The following PC variants were observed in gnomAD, a reference collection of about 807,000 sequenced individuals.
PC encodes the protein pyruvate carboxylase.
PC carries 46 observed loss-of-function variants against 107.8 expected under a neutral mutation model. The observed-to-expected ratio is 0.43, with a 90% confidence interval of 0.34 to 0.55. The LOEUF is 0.55. Ranked by LOEUF, PC falls within the 20% of genes least tolerant of loss-of-function variation. PC has a pLI of 0.04. For synonymous variants in PC, 662 were observed against 684.7 expected (o/e 0.97, Z 0.52); for missense variants, 1,241 against 1,643.1 (o/e 0.76, Z 4.23).
chr11:66,949,479 T>C lies in PC; in HGVS notation c.-1+2951A>G, dbSNP rs367596326. 9.9e-5 allele frequency among the ~76,000 whole-genome samples: 15 copies of C among 151,722 alleles called. 1 individual carries two copies. The East Asian group carries it at 3.0e-3, about 30-fold the overall frequency. ...GGGAGGCCGAGGCGGGCAGATCACT[T>C]GAGTCAGGAGTTCGAGACCAGCCTG... On this transcript the variant is annotated intron_variant, in intron 3 of 22. Coordinates refer to ENST00000393960, the MANE Select transcript of PC (RefSeq NM_001040716.2).
chr11:66,849,087 G>C lies in PC; in HGVS notation c.3349C>G (p.Pro1117Ala). ...DVKGQIGAPMPGKVIDIKVVA... is the reference protein window; with the variant it reads ...DVKGQIGAPMAGKVIDIKVVA... The stretch of plus-strand genomic sequence containing the variant: ...ACTTTGATGTCTATCACCTTCCCAG[G>C]CATGGGCGCCCCGATCTGGCCCTTC... The change falls in exon 23 of 23, where the codon CCT becomes GCT. Residue 1117 changes from proline to alanine, a missense_variant. This residue lies in a region of PC where 98 missense variants were observed against 91.2 expected (regional missense o/e 1.07). Transcript: ENST00000393960. 1 of 1,614,100 alleles carries C rather than the reference G, an allele frequency of 6.2e-7. No homozygotes were observed. Among genetic ancestry groups the C allele is most frequent in the Non-Finnish European group, 8.5e-7 (1 of 1,180,030 alleles).
chr11:66,852,676 G>C lies in PC; in HGVS notation c.1604-16C>G. On this transcript the variant is annotated splice_polypyrimidine_tract_variant and intron_variant, in intron 14 of 22. Transcript: ENST00000393960. This position sits in a 1 kb window ranked among gnomAD's most constrained non-coding sequence, Gnocchi z 4.7. ...GGGGGCGGGCCTAGGGTAGACAGGG[G>C]CATTGGTGCCCATCCTGCAGGTGGC... The C allele has an allele frequency of 6.2e-7, 1 of 1,612,638 alleles. No individual in the cohort carries two copies. Among genetic ancestry groups the C allele is most frequent in the Non-Finnish European group, 8.5e-7 (1 of 1,178,820 alleles).
chr11:66,877,778 A>G (rs1227646372), intron 3 of PC, among the ~76,000 whole-genome samples: 1 of 152,252 alleles, frequency 6.6e-6, no homozygotes, highest in Non-Finnish European at 1.5e-5. Flanking sequence ...TGACATGGGA[A>G]ATGCTTGTGA....
intron 11 of PC, among the ~76,000 whole-genome samples, chr11:66,864,232 C>G (rs925234106): frequency 1.3e-5 from 2 of 152,206 alleles, no homozygotes; most frequent in Non-Finnish European, 2.9e-5. Flanking sequence ...TGCCGCAGAG[C>G]GGGAGAGGGG....
Position 66,857,737 on chromosome 11 carries a change from C to T in PC, c.1369-4354G>A, listed in dbSNP as rs749735092. The T allele has an allele frequency of 1.3e-6, 2 of 1,586,072 alleles. No homozygotes were observed. The highest frequency in any genetic ancestry group is 2.7e-5 in the African/African-American group (2 of 74,632). On this transcript the variant is annotated intron_variant, in intron 12 of 22. Coordinates refer to ENST00000393960, the MANE Select transcript of PC (RefSeq NM_001040716.2). This position sits in a 1 kb window ranked among gnomAD's most constrained non-coding sequence, Gnocchi z 7.1. ...TGGGCTGTGGCCCCTTCCTACAGGG[C>T]GCTCACCATGGCCCCGCCGCTCCTG...
At chr11:66,851,408 G>C (rs1267037759) in intron 16 of PC, 128 bp from the exon 17 acceptor site, 3 of 1,394,440 alleles carry the variant, frequency 2.2e-6, no homozygotes, top group Non-Finnish European at 3.0e-6. Context: ...CTGGCAGGGG[G>C]TGTGGCATCC....
In PC at chr11:66,870,549, G is replaced by T; in HGVS notation, c.752-96C>A. Reference sequence around the variant, plus strand: ...CACATAACCACTGTCGCCAGTCAGTGCCGGCTGCCAGCGGTACAGAGGCTG... The same window carrying T: ...CACATAACCACTGTCGCCAGTCAGTTCCGGCTGCCAGCGGTACAGAGGCTG... On this transcript the variant is annotated intron_variant, in intron 8 of 22. Coordinates refer to ENST00000393960, the MANE Select transcript of PC (RefSeq NM_001040716.2). The surrounding 1 kb of genome is among the most constrained non-coding windows in gnomAD (Gnocchi z 6.1). 1 of 1,436,856 alleles carries T rather than the reference G, an allele frequency of 7.0e-7. No homozygotes were observed. Among genetic ancestry groups the T allele is most frequent in the Non-Finnish European group, 9.6e-7 (1 of 1,039,258 alleles). The allele number at this position is 1,436,856 out of a possible 1,614,324, so 89.0% of individuals were successfully genotyped here. A position where few individuals can be genotyped will look rare whatever the true frequency, so the allele number is the denominator to read the frequency against.
chr11:66,852,568 T>C lies in PC; in HGVS notation c.1696A>G (p.Met566Val). Residue 566 changes from methionine to valine, a missense_variant, in exon 15 of 23, where the codon ATG becomes GTG. Physicochemically the swap from Met to Val is conservative, Grantham distance 21. Around this residue, in one of 2 missense-constraint regions of PC, gnomAD observed 1,143 missense variants for 1,551.9 expected, o/e 0.74. Transcript: ENST00000393960. This position sits in a 1 kb window ranked among gnomAD's most constrained non-coding sequence, Gnocchi z 4.7. ...AVRNHPGLLL[M>V]DTTFRDAHQS... ...TGGGCGTCCCTGAAGGTCGTGTCCA[T>C]CAGCAGCAGCCCCGGGTGGTTCCGC... 1 of 1,614,012 alleles carries C rather than the reference T, an allele frequency of 6.2e-7. No homozygotes were observed. Among genetic ancestry groups the C allele is most frequent in the Non-Finnish European group, 8.5e-7 (1 of 1,180,016 alleles).
chr11:66,911,745 A>G (rs972047521), intron 3 of PC, among the ~76,000 whole-genome samples: 3 of 152,138 alleles, frequency 2.0e-5, no homozygotes, highest in Non-Finnish European at 4.4e-5. Flanking sequence ...AGAAATCCAA[A>G]CCTTAGGCTG....
At chr11:66,915,941 A>G (rs1350987129) in intron 3 of PC, among the ~76,000 whole-genome samples, 1 of 152,118 alleles carries the variant, frequency 6.6e-6, no homozygotes, top group Non-Finnish European at 1.5e-5. Context: ...CCCCTCCCAT[A>G]GTCTCAGTCT....
At chr11:66,897,670 C>T (rs1252548769) in intron 3 of PC, among the ~76,000 whole-genome samples, 1 of 152,182 alleles carries the variant, frequency 6.6e-6, no homozygotes, top group Non-Finnish European at 1.5e-5. Flanking sequence ...GAAGCCTTCC[C>T]CGGTTCCCAA....
chr11:66,956,649 G>A (rs935446298), intron 1 of PC, among the ~76,000 whole-genome samples: 2 of 152,158 alleles, frequency 1.3e-5, no homozygotes, highest in African/African-American at 4.8e-5. Flanking sequence ...TCTAGCTGCT[G>A]AAATCCAATC....
Position 66,924,512 on chromosome 11 carries a change from A to G in PC, c.-1+27918T>C, listed in dbSNP as rs1451474383. Among the ~76,000 whole-genome samples, 3 of 152,150 alleles carry G rather than the reference A, an allele frequency of 2.0e-5. No individual in the cohort carries two copies. In the East Asian group the frequency reaches 5.8e-4, roughly 29 times the overall value. ...GCACACTATTCTTCCTTCTTTTGGC[A>G]CCATCTCAGCTCACTATAATCTCTG... On this transcript the variant is annotated intron_variant, in intron 3 of 22. Coordinates refer to ENST00000393960, the MANE Select transcript of PC (RefSeq NM_001040716.2).
In PC at chr11:66,871,631, G is replaced by A; in HGVS notation, c.321+56C>T. ...ACGCCAGCCTCAAGAGACCCCCGCG[G>A]CAACTAAGACTCCCTGGTCCCTGCT... On this transcript the variant is annotated intron_variant, in intron 5 of 22. Transcript: ENST00000393960. The surrounding 1 kb of genome is among the most constrained non-coding windows in gnomAD (Gnocchi z 7.4). 1 of 1,561,116 alleles carries A rather than the reference G, an allele frequency of 6.4e-7. No individual in the cohort carries two copies. Among genetic ancestry groups the A allele is most frequent in the Non-Finnish European group, 8.7e-7 (1 of 1,150,008 alleles).
chr11:66,935,627 A>G (rs1431884573), intron 3 of PC, among the ~76,000 whole-genome samples: 1 of 152,186 alleles, frequency 6.6e-6, no homozygotes, highest in Non-Finnish European at 1.5e-5. Context: ...GTGGAACGGC[A>G]GCATATTCTG....
intron 1 of PC, among the ~76,000 whole-genome samples, chr11:66,955,223 G>T (rs990160675): frequency 6.6e-6 from 1 of 152,224 alleles, no homozygotes; most frequent in Non-Finnish European, 1.5e-5. Flanking sequence ...ACAGAGGGAA[G>T]AGGGACACAG....
At chr11:66,886,568 C>T (rs1947369519) in intron 3 of PC, among the ~76,000 whole-genome samples, 1 of 152,034 alleles carries the variant, frequency 6.6e-6, no homozygotes, top group Non-Finnish European at 1.5e-5. Context: ...AGGACCTGAA[C>T]CACGGTGGTG....
chr11:66,884,271 G>C (rs1315930157), intron 3 of PC, among the ~76,000 whole-genome samples: 1 of 151,176 alleles, frequency 6.6e-6, no homozygotes, highest in Non-Finnish European at 1.5e-5. Context: ...AATTAGCTGG[G>C]CATGGTGGTG....
chr11:66,865,727 T>C (rs1178908905), intron 11 of PC, among the ~76,000 whole-genome samples: 1 of 152,100 alleles, frequency 6.6e-6, no homozygotes, highest in Non-Finnish European at 1.5e-5. Context: ...TCCCCCATCC[T>C]TGATGGGCCC....
Sources: allele counts gnomAD v4.1 joint callset (sites outside exome capture counted in the v4.1 genomes callset), GRCh38; gene constraint gnomAD v4.1.1; regional missense constraint gnomAD v4.1.1; non-coding constraint Gnocchi (gnomAD v3.1); transcripts MANE v1.5; gene names NCBI Gene and HGNC (gene_info 2026-07-23, HGNC 2026-07-21).